PDE10A: variants seen among roughly 807,000 people sequenced by gnomAD.
The protein encoded by PDE10A is cAMP and cAMP-inhibited cGMP 3',5'-cyclic phosphodiesterase 10A.
A neutral mutation model predicts 97.7 loss-of-function variants in PDE10A; 39 were observed. The observed-to-expected ratio is 0.40, with a 90% confidence interval of 0.31 to 0.52. The LOEUF (loss-of-function observed/expected upper bound fraction) is 0.52, where lower values mean the gene tolerates loss of function less well. PDE10A is among the 20% of genes least tolerant of loss of function. The pLI is 0.56. For synonymous variants in PDE10A, 371 were observed against 376.8 expected (o/e 0.98, Z 0.18); for missense variants, 731 against 1,047.8 (o/e 0.70, Z 4.17).
chr6:165,796,302 G>T (rs1483158541), intron 1 of PDE10A, among the ~76,000 whole-genome samples: 1 of 151,882 alleles, frequency 6.6e-6, no homozygotes, highest in East Asian at 1.9e-4. Context: ...TAGCCAGGAT[G>T]GTCTCTATCT....
At chr6:165,807,497 G>A (rs1369764850) in intron 1 of PDE10A, among the ~76,000 whole-genome samples, 2 of 152,176 alleles carry the variant, frequency 1.3e-5, no homozygotes. Flanking sequence ...GAGGACAGCA[G>A]GTTCGTCCTG....
chr6:165,617,205 C>A (rs760866386), intron 1 of PDE10A, among the ~76,000 whole-genome samples: 1 of 152,196 alleles, frequency 6.6e-6, no homozygotes, highest in African/African-American at 2.4e-5. Context: ...GGAAGAGTTA[C>A]TTCCTGTCAC....
chr6:165,929,680 C>T (rs1309249696), intron 1 of PDE10A, among the ~76,000 whole-genome samples: 2 of 152,336 alleles, frequency 1.3e-5, no homozygotes, highest in Non-Finnish European at 2.9e-5. Context: ...TGGATAAACA[C>T]AGCCAACTTC....
intron 18 of PDE10A, among the ~76,000 whole-genome samples, chr6:165,352,045 G>A (rs1343237866): frequency 1.3e-5 from 2 of 152,048 alleles, no homozygotes; most frequent in Non-Finnish European, 1.5e-5. Flanking sequence ...GTAGAGATGG[G>A]GTTTCACCAT....
At chr6:165,749,452 C>T (rs535261942) in intron 1 of PDE10A, among the ~76,000 whole-genome samples, 61 of 151,026 alleles carry the variant, frequency 4.0e-4, no homozygotes, top group South Asian at 3.6e-3. Flanking sequence ...ACCACCATCA[C>T]ATCACCATCA....
At chr6:165,376,470 G>A (rs1784609689) in intron 18 of PDE10A, among the ~76,000 whole-genome samples, 2 of 152,190 alleles carry the variant, frequency 1.3e-5, no homozygotes, top group Non-Finnish European at 2.9e-5. Flanking sequence ...ACAAAGCAGG[G>A]GCAGGGTCTG....
chr6:165,577,543 G>C lies in PDE10A; in HGVS notation c.866-33975C>G, dbSNP rs80152322. Reference sequence around the variant, plus strand: ...AGGGCACAGGCGACCCCCATCTCTGGGTGCCAAGCCAAGGAGCTGCCAATG... The same window carrying C: ...AGGGCACAGGCGACCCCCATCTCTGCGTGCCAAGCCAAGGAGCTGCCAATG... On this transcript the variant is annotated intron_variant, in intron 1 of 21. Coordinates refer to ENST00000539869, the MANE Select transcript of PDE10A (RefSeq NM_001385079.1). Among the ~76,000 whole-genome samples the C allele has an allele frequency of 2.4e-3, 360 of 152,260 alleles. 2 individuals carry two copies. Among genetic ancestry groups the C allele is most frequent in the African/African-American group, 8.4e-3 (351 of 41,544 alleles).
intron 1 of PDE10A, among the ~76,000 whole-genome samples, chr6:165,690,693 C>T (rs1302636093): frequency 1.3e-5 from 2 of 152,238 alleles, no homozygotes; most frequent in East Asian, 3.8e-4. Context: ...TGTGCTGGTA[C>T]TTCTTGCCTC....
intron 1 of PDE10A, among the ~76,000 whole-genome samples, chr6:165,582,959 T>C (rs1785700694): frequency 6.6e-6 from 1 of 152,200 alleles, no homozygotes; most frequent in Non-Finnish European, 1.5e-5. Flanking sequence ...AAAACCTTTA[T>C]AAATACAAAC....
At chr6:165,414,768 G>T (rs1183298045) in intron 12 of PDE10A, among the ~76,000 whole-genome samples, 1 of 152,126 alleles carries the variant, frequency 6.6e-6, no homozygotes, top group Non-Finnish European at 1.5e-5. Context: ...TTTCCCAAGC[G>T]GTTGTACCAT....
At chr6:165,525,746 G>A (rs1031644835) in intron 2 of PDE10A, among the ~76,000 whole-genome samples, 24 of 152,140 alleles carry the variant, frequency 1.6e-4, no homozygotes, top group African/African-American at 5.3e-4. Flanking sequence ...GGTACTCAAC[G>A]GTCAAAGGCA....
At chr6:165,467,275 G>A (rs1778710075) in intron 3 of PDE10A, among the ~76,000 whole-genome samples, 1 of 152,234 alleles carries the variant, frequency 6.6e-6, no homozygotes, top group South Asian at 2.1e-4. Flanking sequence ...AAAATATCTA[G>A]CTAAGATAAT....
At chr6:165,521,574 T>C (rs953103489) in intron 2 of PDE10A, among the ~76,000 whole-genome samples, 9 of 152,186 alleles carry the variant, frequency 5.9e-5, no homozygotes, top group East Asian at 1.9e-4. Context: ...TTATTGCTGA[T>C]AGGAGAAAGC....
At chr6:165,470,583 C>T (rs543693421) in intron 3 of PDE10A, among the ~76,000 whole-genome samples, 8 of 152,280 alleles carry the variant, frequency 5.3e-5, no homozygotes, top group Non-Finnish European at 1.0e-4. Context: ...AAAAGTATTA[C>T]CTCTTACAAA....
At chr6:165,659,033 T>C (rs1447872587) in intron 1 of PDE10A, among the ~76,000 whole-genome samples, 2 of 152,190 alleles carry the variant, frequency 1.3e-5, no homozygotes, top group Admixed American at 1.3e-4. Context: ...GCCTGGGTCC[T>C]GGGTCCTGGC....
At chr6:165,391,656 A>G (rs1414951204) in intron 16 of PDE10A, among the ~76,000 whole-genome samples, 1 of 152,180 alleles carries the variant, frequency 6.6e-6, no homozygotes, top group African/African-American at 2.4e-5. Context: ...CTCCACTTGA[A>G]CTAAAGATTG....
In PDE10A at chr6:165,373,791, T is replaced by C. The variant is rs1179932026; in HGVS notation, c.2783+5403A>G. ...AAAGACACATGCACATGTATGTTTA[T>C]TGCGGCACTATTCACTATAGCAAAG... On this transcript the variant is annotated intron_variant, in intron 18 of 21. Transcript: ENST00000539869. Among the ~76,000 whole-genome samples, 10 of 152,166 alleles carry C rather than the reference T, an allele frequency of 6.6e-5. No individual in the cohort carries two copies. The South Asian group carries it at 8.3e-4, about 13-fold the overall frequency.
At chr6:165,486,506 C>A (rs376416308) in intron 2 of PDE10A, among the ~76,000 whole-genome samples, 1 of 152,058 alleles carries the variant, frequency 6.6e-6, no homozygotes, top group Non-Finnish European at 1.5e-5. Flanking sequence ...GAAAGGCTGG[C>A]GAGCTGAAAA....
At chr6:165,397,499 C>T (rs1786260022) in intron 13 of PDE10A, among the ~76,000 whole-genome samples, 1 of 152,036 alleles carries the variant, frequency 6.6e-6, no homozygotes, top group Non-Finnish European at 1.5e-5. Flanking sequence ...CATCTGAGGT[C>T]AGGAGTTCAA....
Sources: allele counts gnomAD v4.1 joint callset (sites outside exome capture counted in the v4.1 genomes callset), GRCh38; gene constraint gnomAD v4.1.1; transcripts MANE v1.5; gene names NCBI Gene and HGNC (gene_info 2026-07-23, HGNC 2026-07-21).